The following KIF26B variants were observed in gnomAD, a reference collection of about 807,000 sequenced individuals.
The protein encoded by KIF26B is kinesin family member 26B, also known as kinesin-like protein KIF26B.
Under a neutral mutation model 151.2 loss-of-function variants are expected in KIF26B, and 63 were observed. That is an observed-to-expected ratio of 0.42 (90% CI 0.34 to 0.51). The LOEUF is 0.51. KIF26B is among the 20% of genes least tolerant of loss of function. The pLI, the probability that KIF26B is intolerant of heterozygous loss-of-function variation, is 0.07. For missense variants in KIF26B, 2,813 were observed against 2,913.6 expected (o/e 0.97, Z 0.79); for synonymous variants, 1,357 against 1,262.1 (o/e 1.08, Z -1.59).
chr1:245,287,566 C>T (rs970894419), intron 2 of KIF26B, among the ~76,000 whole-genome samples: 4 of 148,936 alleles, frequency 2.7e-5, no homozygotes, highest in East Asian at 2.0e-4. Flanking sequence ...TGCAATGGCA[C>T]GATCTCGGCT....
At chr1:245,229,609 T>C (rs996891146) in intron 2 of KIF26B, among the ~76,000 whole-genome samples, 3 of 152,242 alleles carry the variant, frequency 2.0e-5, no homozygotes, top group African/African-American at 7.2e-5. Context: ...ATACTCACTG[T>C]GTTTGCGTTT....
At chr1:245,289,915 G>A (rs926963914) in intron 2 of KIF26B, among the ~76,000 whole-genome samples, 1 of 151,920 alleles carries the variant, frequency 6.6e-6, no homozygotes, top group African/African-American at 2.4e-5. Context: ...CATCCTTTAG[G>A]TCTCTGCTTA....
At position 245,375,622 on chromosome 1, in the gene KIF26B, G is replaced by A. The variant is rs1270829094; in HGVS notation, c.999+8255G>A. Among the ~76,000 whole-genome samples, 3 of 152,278 alleles carry A rather than the reference G, an allele frequency of 2.0e-5. No individual in the cohort carries two copies. The East Asian group carries it at 5.8e-4, about 29-fold the overall frequency. On this transcript the variant is annotated intron_variant, in intron 3 of 14. Transcript: ENST00000407071. The surrounding 1 kb of genome is among the most constrained non-coding windows in gnomAD (Gnocchi z 4.2). ...GCCAGCCCTGCAGGGCCATTTTTGA[G>A]TTCTGGTCTCCAGAACTTTAAGAGG...
intron 10 of KIF26B, among the ~76,000 whole-genome samples, chr1:245,650,097 A>T (rs1363566874): frequency 6.6e-6 from 1 of 152,154 alleles, no homozygotes; most frequent in African/African-American, 2.4e-5. Context: ...TCAGAAAAGC[A>T]TGCAGGGAAG....
rs373297402 is a variant in KIF26B at position 245,367,110 on chromosome 1, G to T, written c.742G>T (p.Val248Leu). ...GLQQPRDWAF[V>L]PAPCATSNYT... ...CCAGCAGCCCAGAGACTGGGCCTTT[G>T]TGCCCGCCCCCTGTGCCACCTCCAA... is the stretch of plus-strand genomic sequence containing the variant. Residue 248 changes from valine (V) to leucine (L), a missense_variant, in exon 3 of 15, where the codon GTG becomes TTG. Physicochemically the swap from Val to Leu is conservative, Grantham distance 32. Coordinates refer to ENST00000407071, the MANE Select transcript of KIF26B (RefSeq NM_018012.4). The surrounding 1 kb of genome is among the most constrained non-coding windows in gnomAD (Gnocchi z 4.2). The T allele has an allele frequency of 6.3e-6, 10 of 1,593,444 alleles. No homozygotes were observed. Among genetic ancestry groups the T allele is most frequent in the Non-Finnish European group, 8.5e-6 (10 of 1,170,298 alleles).
intron 2 of KIF26B, among the ~76,000 whole-genome samples, chr1:245,290,435 GC>G (rs1671237200): frequency 6.6e-6 from 1 of 152,208 alleles, no homozygotes; most frequent in Admixed American, 6.5e-5. Flanking sequence ...GTTGCTGGTT[GC>G]CCACTTTTAT....
At chr1:245,448,578 A>G (rs769736997) in intron 4 of KIF26B, among the ~76,000 whole-genome samples, 1 of 152,208 alleles carries the variant, frequency 6.6e-6, no homozygotes, top group Non-Finnish European at 1.5e-5. Context: ...GGACTAAGAT[A>G]AGGACTAATC....
intron 2 of KIF26B, among the ~76,000 whole-genome samples, chr1:245,314,943 G>A (rs1433014895): frequency 6.6e-6 from 1 of 152,228 alleles, no homozygotes; most frequent in Non-Finnish European, 1.5e-5. Context: ...CACTTTGGGA[G>A]GCCGAGGCGG....
intron 4 of KIF26B, among the ~76,000 whole-genome samples, chr1:245,504,452 A>T (rs1222261167): frequency 8.3e-5 from 10 of 121,010 alleles, no homozygotes; most frequent in African/African-American, 2.8e-4. Context: ...TTTTTTTTTG[A>T]TACAGGGTCT....
intron 4 of KIF26B, chr1:245,511,113 T>A: frequency 1.4e-6 from 1 of 717,448 alleles, no homozygotes; most frequent in Non-Finnish European, 2.6e-6. Flanking sequence ...TCAATGATGA[T>A]GGATTGGAAA....
At chr1:245,632,483 G>A (rs1430649447) in intron 9 of KIF26B, among the ~76,000 whole-genome samples, 1 of 152,234 alleles carries the variant, frequency 6.6e-6, no homozygotes, top group Admixed American at 6.5e-5. Flanking sequence ...TAATAAGGTT[G>A]TGTATTTTGC....
chr1:245,475,632 C>T (rs998636818), intron 4 of KIF26B, among the ~76,000 whole-genome samples: 24 of 151,792 alleles, frequency 1.6e-4, no homozygotes, highest in African/African-American at 5.6e-4. Flanking sequence ...GGCCAATAAG[C>T]ACACGAAAAG....
chr1:245,682,268 A>G (rs918152505), intron 10 of KIF26B, among the ~76,000 whole-genome samples: 1 of 152,230 alleles, frequency 6.6e-6, no homozygotes, highest in East Asian at 1.9e-4. Context: ...AGAAAAAAAA[A>G]GTCATCGAAA....
intron 5 of KIF26B, among the ~76,000 whole-genome samples, chr1:245,600,851 G>A (rs559810787): frequency 1.3e-5 from 2 of 152,244 alleles, no homozygotes; most frequent in East Asian, 3.9e-4. Flanking sequence ...TACAGGTGAG[G>A]AAATGGGGGC....
At position 245,535,848 on chromosome 1, in the gene KIF26B, G is replaced by A. The variant is rs559722444; in HGVS notation, c.1167-4919G>A. Among the ~76,000 whole-genome samples, 4 of 152,254 alleles carry A rather than the reference G, an allele frequency of 2.6e-5. No homozygotes were observed. In the South Asian group the frequency reaches 8.3e-4, roughly 32 times the overall value. Reference sequence around the variant, plus strand: ...TATTCTTTCAAAGGATCATTGATTAGTGTACTAAATGCTTTACATGTACTG... The same window carrying A: ...TATTCTTTCAAAGGATCATTGATTAATGTACTAAATGCTTTACATGTACTG... On this transcript the variant is annotated intron_variant, in intron 4 of 14. Transcript: ENST00000407071.
In KIF26B at chr1:245,597,760, G is replaced by A. The variant is rs1248623805; in HGVS notation, c.1351-4817G>A. Among the ~76,000 whole-genome samples, 1 of 152,088 alleles carries A rather than the reference G, an allele frequency of 6.6e-6. No homozygotes were observed. The highest frequency in any genetic ancestry group is 1.9e-4 in the East Asian group (1 of 5,192). On this transcript the variant is annotated intron_variant, in intron 5 of 14. Coordinates refer to ENST00000407071, the MANE Select transcript of KIF26B (RefSeq NM_018012.4). The surrounding 1 kb of genome is among the most constrained non-coding windows in gnomAD (Gnocchi z 4.6). ...GTTCCATTCTCCCTATCACTTTCAG[G>A]TACACCAATCAAACATAGGTTTGGT...
chr1:245,291,349 C>T (rs1161918058), intron 2 of KIF26B, among the ~76,000 whole-genome samples: 2 of 152,202 alleles, frequency 1.3e-5, no homozygotes, highest in Non-Finnish European at 2.9e-5. Flanking sequence ...AAGCACTTGA[C>T]TACTTTGAGT....
At chr1:245,337,648 C>G (rs546771786) in intron 2 of KIF26B, among the ~76,000 whole-genome samples, 2 of 151,608 alleles carry the variant, frequency 1.3e-5, no homozygotes, top group Non-Finnish European at 2.9e-5. Context: ...TATAGGAATT[C>G]AATAAATATT....
chr1:245,696,720 C>T (rs920597150), intron 12 of KIF26B, among the ~76,000 whole-genome samples: 5 of 152,142 alleles, frequency 3.3e-5, no homozygotes, highest in African/African-American at 1.2e-4. Context: ...TTCCCGTGGT[C>T]GATGTTACTT....
Sources: gnomAD v4.1 joint callset for allele counts (sites outside exome capture counted in the v4.1 genomes callset) on GRCh38, gnomAD v4.1.1 for gene constraint, Gnocchi (gnomAD v3.1) non-coding constraint, MANE v1.5 for transcripts, NCBI Gene and HGNC (gene_info 2026-07-23, HGNC 2026-07-21) for gene names.